Variants in SPOP observed in about 807,000 individuals in gnomAD.
The protein encoded by SPOP is speckle type BTB/POZ protein.
A neutral mutation model predicts 45.6 loss-of-function variants in SPOP; 11 were observed. The observed-to-expected ratio is 0.24, with a 90% confidence interval of 0.15 to 0.40. The LOEUF (loss-of-function observed/expected upper bound fraction) is 0.40, where lower values mean the gene tolerates loss of function less well. Ranked by LOEUF, SPOP falls within the 10% of genes least tolerant of loss-of-function variation. SPOP has a pLI of 1.00. For missense variants in SPOP, 152 were observed against 465.6 expected, an observed-to-expected ratio of 0.33 and a Z score of 6.20; for synonymous variants, 166 against 166.3, an observed-to-expected ratio of 1.00 and a Z score of 0.01.
At chr17:49,668,760 CATAT>C (rs1009175774) in intron 1 of SPOP, among the ~76,000 whole-genome samples, 1 of 150,904 alleles carries the variant, frequency 6.6e-6, no homozygotes. Flanking sequence ...TATATACACT[CATAT>C]ATATACATAT....
rs538851894 is a variant in SPOP at position 49,619,896 on chromosome 17, C to T, written c.201-511G>A. ...ACAACAGGCTGGGTGCGGTGGCTCA[C>T]CCCTGTAATCTCAGCACTTTGGGAG... On this transcript the variant is annotated intron_variant, in intron 3 of 9. Coordinates refer to ENST00000504102, the MANE Select transcript of SPOP (RefSeq NM_001007228.2). This position sits in a 1 kb window ranked among gnomAD's most constrained non-coding sequence, Gnocchi z 4.9. Among the ~76,000 whole-genome samples, 41 of 152,300 alleles carry T rather than the reference C, an allele frequency of 2.7e-4. No individual in the cohort carries two copies. The highest frequency in any genetic ancestry group is 9.6e-4 in the African/African-American group (40 of 41,578).
intron 1 of SPOP, among the ~76,000 whole-genome samples, chr17:49,647,147 T>G (rs2072771108): frequency 6.7e-6 from 1 of 150,052 alleles, no homozygotes; most frequent in South Asian, 2.1e-4. Flanking sequence ...AAAAAAAAAA[T>G]TAGCCAGGTG....
intron 1 of SPOP, among the ~76,000 whole-genome samples, chr17:49,641,897 C>T (rs771856663): frequency 1.3e-5 from 2 of 151,944 alleles, no homozygotes; most frequent in Non-Finnish European, 2.9e-5. Flanking sequence ...GTAGTTGGCA[C>T]CTGTACTCCC....
intron 5 of SPOP, among the ~76,000 whole-genome samples, chr17:49,617,244 T>C (rs1380938576): frequency 1.3e-5 from 2 of 152,250 alleles, no homozygotes; most frequent in African/African-American, 4.8e-5. Flanking sequence ...TCATTTCCAA[T>C]AGAAACTAGA....
intron 3 of SPOP, among the ~76,000 whole-genome samples, chr17:49,621,514 T>TA (rs2072221422): frequency 6.6e-6 from 1 of 152,230 alleles, no homozygotes; most frequent in African/African-American, 2.4e-5. Flanking sequence ...ATTTTTATGT[T>TA]AAAATCTAGA....
intron 1 of SPOP, chr17:49,636,318 GA>G (rs1235146578): frequency 6.6e-6 from 1 of 152,074 alleles, no homozygotes; most frequent in Non-Finnish European, 1.5e-5. Context: ...ACTTTTCTAG[GA>G]AGAAAAATAA....
At chr17:49,649,133 T>C (rs2072803838) in intron 1 of SPOP, among the ~76,000 whole-genome samples, 1 of 152,228 alleles carries the variant, frequency 6.6e-6, no homozygotes, top group African/African-American at 2.4e-5. Flanking sequence ...TCTCTCTTTT[T>C]AAAAATTACA....
intron 1 of SPOP, among the ~76,000 whole-genome samples, chr17:49,662,625 T>C (rs1461042666): frequency 6.6e-6 from 1 of 151,446 alleles, no homozygotes; most frequent in African/African-American, 2.4e-5. Context: ...AGGCGGAGGT[T>C]GCAGTGAGCC....
intron 1 of SPOP, among the ~76,000 whole-genome samples, chr17:49,623,134 G>A (rs1451533224): frequency 6.6e-6 from 1 of 151,852 alleles, no homozygotes; most frequent in Non-Finnish European, 1.5e-5. Flanking sequence ...TAAGCCTCCC[G>A]AGTAGCTGGG....
At chr17:49,610,838 A>T (rs990826882) in intron 6 of SPOP, among the ~76,000 whole-genome samples, 2 of 152,150 alleles carry the variant, frequency 1.3e-5, no homozygotes, top group African/African-American at 4.8e-5. Context: ...CAGGGGCAAG[A>T]GTTTCATTCT....
rs562498711 is a variant in SPOP at position 49,667,149 on chromosome 17, G to A, written c.-67+10784C>T. On this transcript the variant is annotated intron_variant, in intron 1 of 9. Coordinates refer to ENST00000504102, the MANE Select transcript of SPOP (RefSeq NM_001007228.2). ...GCCGAGATCATGCCATTGCATTTCAGCCTAGGCGACAAGAATGAAACGCTG... is the reference window on the plus strand; with the variant it reads ...GCCGAGATCATGCCATTGCATTTCAACCTAGGCGACAAGAATGAAACGCTG... 2.0e-4 allele frequency among the ~76,000 whole-genome samples: 27 copies of A among 136,296 alleles called. No homozygotes were observed. In the South Asian group the frequency reaches 4.6e-3, roughly 23 times the overall value. The allele number at this position is 136,296 out of a possible 152,430, so 89.4% of individuals were successfully genotyped here.
intron 1 of SPOP, among the ~76,000 whole-genome samples, chr17:49,654,203 A>G (rs1373152942): frequency 3.9e-5 from 6 of 152,242 alleles, no homozygotes; most frequent in African/African-American, 1.4e-4. Flanking sequence ...ACAATTCCAG[A>G]GGTGATAAAC....
intron 1 of SPOP, among the ~76,000 whole-genome samples, chr17:49,663,162 G>A (rs762462586): frequency 2.0e-5 from 3 of 152,178 alleles, no homozygotes; most frequent in Admixed American, 1.3e-4. Context: ...GTGGACGGGC[G>A]AGCAAGCATT....
chr17:49,641,791 G>A (rs968030859), intron 1 of SPOP, among the ~76,000 whole-genome samples: 2 of 152,120 alleles, frequency 1.3e-5, no homozygotes. Context: ...GGAGGCCGAG[G>A]TGGGTGGATC....
chr17:49,674,797 T>C lies in SPOP; in HGVS notation c.-67+3136A>G, dbSNP rs578004182. Among the ~76,000 whole-genome samples the C allele has an allele frequency of 3.3e-5, 5 of 152,332 alleles. No homozygotes were observed. In the East Asian group the frequency reaches 9.6e-4, roughly 29 times the overall value. Reference sequence around the variant, plus strand: ...AAGAAATTGGAATATAGGTTTTTTATGTCTTCCTAGCATTGTCATGGATTT... The same window carrying C: ...AAGAAATTGGAATATAGGTTTTTTACGTCTTCCTAGCATTGTCATGGATTT... On this transcript the variant is annotated intron_variant, in intron 1 of 9. Coordinates refer to ENST00000504102, the MANE Select transcript of SPOP (RefSeq NM_001007228.2).
intron 1 of SPOP, among the ~76,000 whole-genome samples, chr17:49,633,028 T>C (rs976378335): frequency 1.3e-5 from 2 of 152,234 alleles, no homozygotes; most frequent in Non-Finnish European, 2.9e-5. Context: ...TAGCCAAATA[T>C]TTCTCTAATT....
At chr17:49,665,755 G>A (rs549068569) in intron 1 of SPOP, among the ~76,000 whole-genome samples, 75 of 150,642 alleles carry the variant, frequency 5.0e-4, no homozygotes, top group Middle Eastern at 6.8e-3. Flanking sequence ...AGGCTGAGGC[G>A]GGTGGATCAC....
intron 5 of SPOP, chr17:49,618,707 G>T (rs2072143877): frequency 2.0e-6 from 1 of 492,146 alleles, no homozygotes; most frequent in Non-Finnish European, 3.7e-6. Flanking sequence ...AAATCCCACA[G>T]TGAAAACTCC....
At position 49,602,150 on chromosome 17, in the gene SPOP, T is replaced by A. The variant is rs1597899880; in HGVS notation, c.838-143A>T. ...AGACCATGAAAAGCTACTACTGCAA[T>A]GATAAAACATAACCATTTCTGAAGG... On this transcript the variant is annotated intron_variant, in intron 8 of 9. Coordinates refer to ENST00000504102, the MANE Select transcript of SPOP (RefSeq NM_001007228.2). 1.3e-5 allele frequency: 11 copies of A among 860,502 alleles called. No homozygotes were observed. The East Asian group carries it at 3.0e-4, about 24-fold the overall frequency. 53.3% of individuals were successfully genotyped at this position (860,502 alleles called of 1,614,324 possible). A position where few individuals can be genotyped will look rare whatever the true frequency, so the allele number is the denominator to read the frequency against.
Sources: allele counts gnomAD v4.1 joint callset (sites outside exome capture counted in the v4.1 genomes callset), GRCh38; gene constraint gnomAD v4.1.1; non-coding constraint Gnocchi (gnomAD v3.1); transcripts MANE v1.5; gene names NCBI Gene and HGNC (gene_info 2026-07-23, HGNC 2026-07-21).